Variants in FAM135B observed in about 807,000 individuals in gnomAD.
FAM135B encodes protein FAM135B.
In FAM135B, 43 loss-of-function variants were observed where a neutral mutation model predicts 127.7. The observed-to-expected ratio is 0.34, with a 90% CI of 0.26 to 0.43. The LOEUF is 0.43. Ranked by LOEUF, FAM135B falls within the 20% of genes least tolerant of loss-of-function variation. The probability of loss-of-function intolerance (pLI) is 1.00; values close to 1 mark genes in which losing one functional copy is unlikely to be tolerated. For missense variants in FAM135B, 1,558 were observed against 1,725.6 expected (o/e 0.90, Z 1.72); for synonymous variants, 670 against 665.1 (o/e 1.01, Z -0.11).
At chr8:138,335,115 A>G (rs1453109618) in intron 2 of FAM135B, among the ~76,000 whole-genome samples, 1 of 152,146 alleles carries the variant, frequency 6.6e-6, no homozygotes, top group African/African-American at 2.4e-5. Context: ...AACAGCACAA[A>G]TGTCTCAAAT....
Position 138,242,039 on chromosome 8 carries a change from T to C in FAM135B, c.669+903A>G, listed in dbSNP as rs1323343823. 6.6e-6 allele frequency among the ~76,000 whole-genome samples: 1 copy of C among 152,182 alleles called. No individual in the cohort carries two copies. Among genetic ancestry groups the C allele is most frequent in the Non-Finnish European group, 1.5e-5 (1 of 68,040 alleles). On this transcript the variant is annotated intron_variant, in intron 7 of 19. Transcript: ENST00000395297. This position sits in a 1 kb window ranked among gnomAD's most constrained non-coding sequence, Gnocchi z 9.6. Reference sequence around the variant, plus strand: ...CTTATAACACTAGCTTTCCTGGTTCTGAGGCCTTTAGCCTTGGACTGGAAT... The same window carrying C: ...CTTATAACACTAGCTTTCCTGGTTCCGAGGCCTTTAGCCTTGGACTGGAAT...
Position 138,189,958 on chromosome 8 carries a change from C to T in FAM135B, c.873+5300G>A, listed in dbSNP as rs147230192. On this transcript the variant is annotated intron_variant, in intron 9 of 19. Coordinates refer to ENST00000395297, the MANE Select transcript of FAM135B (RefSeq NM_015912.4). ...AACATCTTTTCCCAAATACCTTGTT[C>T]TGCATATAGCCCCAGCAGCACAACC... Among the ~76,000 whole-genome samples the T allele has an allele frequency of 2.7e-3, 408 of 152,308 alleles. 4 individuals are homozygous for T. Among genetic ancestry groups the T allele is most frequent in the South Asian group, 0.02 (95 of 4,830 alleles).
intron 14 of FAM135B, among the ~76,000 whole-genome samples, chr8:138,146,995 C>T (rs984882202): frequency 2.0e-5 from 3 of 152,120 alleles, no homozygotes; most frequent in Non-Finnish European, 2.9e-5. Context: ...AAGTGCCACA[C>T]GGAATTGGGG....
chr8:138,209,298 G>C (rs940118616), intron 7 of FAM135B, among the ~76,000 whole-genome samples: 4 of 152,180 alleles, frequency 2.6e-5, no homozygotes, highest in Admixed American at 6.5e-5. Context: ...AGGATGTAGA[G>C]AGTGTGACAT....
Position 138,197,547 on chromosome 8 carries a change from C to T in FAM135B, c.792G>A (p.Arg264=), listed in dbSNP as rs16908557. The T allele has an allele frequency of 2.1e-4, 344 of 1,614,102 alleles. No homozygotes were observed. The African/African-American group carries it at 4.0e-3, about 19-fold the overall frequency. The change falls in exon 8 of 20, where the codon CGG becomes CGA. Residue 264 remains arginine (R), a synonymous_variant. Transcript: ENST00000395297. The part of the protein sequence containing the change: ...GLRLHFLVIM[R]DIPELPHTEL... ...CCGTGTGTGGCAGCTCTGGGATGTCCCGCATGATCACCAGGAAGTGGAGAC... is the reference window on the plus strand; with the variant it reads ...CCGTGTGTGGCAGCTCTGGGATGTCTCGCATGATCACCAGGAAGTGGAGAC...
intron 1 of FAM135B, among the ~76,000 whole-genome samples, chr8:138,412,856 T>C (rs945925221): frequency 1.3e-5 from 2 of 152,120 alleles, no homozygotes; most frequent in African/African-American, 4.8e-5. Flanking sequence ...ATCAGCAATC[T>C]CTCCTTCCAT....
At chr8:138,474,920 C>T (rs1814318191) in intron 1 of FAM135B, among the ~76,000 whole-genome samples, 1 of 152,154 alleles carries the variant, frequency 6.6e-6, no homozygotes, top group African/African-American at 2.4e-5. Flanking sequence ...AATTCACATA[C>T]TACTAATCCT....
At chr8:138,411,918 A>G (rs1833893018) in intron 1 of FAM135B, among the ~76,000 whole-genome samples, 1 of 152,212 alleles carries the variant, frequency 6.6e-6, no homozygotes, top group South Asian at 2.1e-4. Context: ...TTGCAGCCAC[A>G]TGGATGCAGC....
chr8:138,430,426 A>G (rs1206740009), intron 1 of FAM135B, among the ~76,000 whole-genome samples: 2 of 152,154 alleles, frequency 1.3e-5, no homozygotes, highest in East Asian at 1.9e-4. Flanking sequence ...TCTCAATTCT[A>G]TGGATCAGGA....
intron 12 of FAM135B, among the ~76,000 whole-genome samples, chr8:138,165,214 A>G (rs950443117): frequency 6.6e-6 from 1 of 151,060 alleles, no homozygotes; most frequent in South Asian, 2.1e-4. Flanking sequence ...TCTGCCTCCC[A>G]GGTTCAAGCG....
intron 7 of FAM135B, among the ~76,000 whole-genome samples, chr8:138,235,240 T>A (rs1563801823): frequency 1.3e-5 from 2 of 152,156 alleles, no homozygotes; most frequent in East Asian, 3.9e-4. Flanking sequence ...TGTCAGAAAC[T>A]AATGAGCACC....
intron 1 of FAM135B, among the ~76,000 whole-genome samples, chr8:138,414,027 T>A (rs907187002): frequency 2.0e-5 from 3 of 151,740 alleles, no homozygotes; most frequent in Non-Finnish European, 2.9e-5. Flanking sequence ...ACCTTGGAAA[T>A]GTCTACAGAT....
intron 2 of FAM135B, among the ~76,000 whole-genome samples, chr8:138,321,016 A>G (rs1295869786): frequency 6.6e-6 from 1 of 152,212 alleles, no homozygotes; most frequent in Non-Finnish European, 1.5e-5. Context: ...GACCTAAAAT[A>G]CAAATCATTA....
intron 4 of FAM135B, among the ~76,000 whole-genome samples, chr8:138,265,016 CT>C (rs760460608): frequency 6.6e-6 from 1 of 152,190 alleles, no homozygotes; most frequent in Non-Finnish European, 1.5e-5. Context: ...TCAGATATTC[CT>C]TTGAAATTTG....
intron 9 of FAM135B, among the ~76,000 whole-genome samples, chr8:138,194,765 A>G (rs1021666794): frequency 8.5e-5 from 13 of 152,208 alleles, no homozygotes; most frequent in African/African-American, 2.7e-4. Flanking sequence ...GAGATTGTAA[A>G]TAGCAGCAGC....
At chr8:138,197,439 C>T (rs188821725) in intron 8 of FAM135B, 77 bp downstream of exon 8, 1 of 1,530,966 alleles carries the variant, frequency 6.5e-7, no homozygotes, top group Non-Finnish European at 8.9e-7. Flanking sequence ...CAAAAGCATG[C>T]CAGCTTTTCC....
At chr8:138,481,152 G>A (rs1183503471) in intron 1 of FAM135B, among the ~76,000 whole-genome samples, 1 of 152,130 alleles carries the variant, frequency 6.6e-6, no homozygotes, top group African/African-American at 2.4e-5. Context: ...GATGATACTT[G>A]GCACATGCTA....
intron 1 of FAM135B, among the ~76,000 whole-genome samples, chr8:138,393,692 C>T (rs528392162): frequency 6.6e-6 from 1 of 152,170 alleles, no homozygotes; most frequent in Non-Finnish European, 1.5e-5. Flanking sequence ...TACTTTCCTG[C>T]CCTCACGGAG....
intron 1 of FAM135B, among the ~76,000 whole-genome samples, chr8:138,454,142 G>A (rs1564015509): frequency 1.3e-5 from 2 of 151,820 alleles, no homozygotes; most frequent in African/African-American, 4.8e-5. Context: ...CTCCTTTTAA[G>A]TCCACTGCTT....
Sources: allele counts gnomAD v4.1 joint callset (sites outside exome capture counted in the v4.1 genomes callset), GRCh38; gene constraint gnomAD v4.1.1; non-coding constraint Gnocchi (gnomAD v3.1); transcripts MANE v1.5; gene names NCBI Gene and HGNC (gene_info 2026-07-23, HGNC 2026-07-21).